The following RPS6KA4 variants were observed in gnomAD, a reference collection of about 807,000 sequenced individuals.
RPS6KA4 encodes ribosomal protein S6 kinase alpha-4.
RPS6KA4 carries 38 observed loss-of-function variants against 89.6 expected under a neutral mutation model. That is an observed-to-expected ratio of 0.42 (90% CI 0.33 to 0.56). The LOEUF is 0.56. RPS6KA4 is among the 20% of genes least tolerant of loss of function. The pLI is 0.07. For synonymous variants in RPS6KA4, 495 were observed against 492.8 expected, an observed-to-expected ratio of 1.00 and a Z score of -0.06; for missense variants, 873 against 1,098.8, an observed-to-expected ratio of 0.79 and a Z score of 2.90.
chr11:64,362,586 G>A (rs957345999), intron 8 of RPS6KA4, among the ~76,000 whole-genome samples: 1 of 152,230 alleles, frequency 6.6e-6, no homozygotes, highest in Non-Finnish European at 1.5e-5. Context: ...CCTGGCCAGC[G>A]TCATCGCCCA....
chr11:64,361,871 C>A lies in RPS6KA4; in HGVS notation c.775C>A (p.Pro259Thr), dbSNP rs751104668. 9 of 1,612,802 alleles carry A rather than the reference C, an allele frequency of 5.6e-6. No homozygotes were observed. In the Admixed American group the frequency reaches 1.5e-4, roughly 27 times the overall value. ...TCCCAGACGGATCCTGAAGTGCTCCCCTCCCTTCCCCCCTCGGATCGGGCC... is the reference window on the plus strand; with the variant it reads ...TCCCAGACGGATCCTGAAGTGCTCCACTCCCTTCCCCCCTCGGATCGGGCC... Reference protein sequence around the residue: ...EVSRRILKCSPPFPPRIGPVA... With the variant: ...EVSRRILKCSTPFPPRIGPVA... Residue 259 changes from proline (P) to threonine (T), a missense_variant, in exon 8 of 17, where the codon CCT becomes ACT. By Grantham distance (38) the Pro-to-Thr change is conservative (BLOSUM62 -1). Coordinates refer to ENST00000334205, the MANE Select transcript of RPS6KA4 (RefSeq NM_003942.3). This position sits in a 1 kb window ranked among gnomAD's most constrained non-coding sequence, Gnocchi z 4.7.
chr11:64,363,632 C>T (rs1441249997), intron 8 of RPS6KA4, among the ~76,000 whole-genome samples: 1 of 152,116 alleles, frequency 6.6e-6, no homozygotes, highest in Non-Finnish European at 1.5e-5. Context: ...GCTGGGATTA[C>T]AGGTGCGCAC....
At chr11:64,367,436 G>T (rs547709760) in intron 9 of RPS6KA4, among the ~76,000 whole-genome samples, 1 of 152,160 alleles carries the variant, frequency 6.6e-6, no homozygotes, top group South Asian at 2.1e-4. Context: ...TCAGCCTCCC[G>T]AGTAGCTGGG....
At position 64,361,211 on chromosome 11, in the gene RPS6KA4, C is replaced by T. The variant is rs769654825; in HGVS notation, c.540C>T (p.Phe180=). ...DSEGHIVLTD[F]GLSKEFLTEE... ...AGGGCCACATTGTCCTCACGGACTT[C>T]GGGCTGAGCAAGGAGTTCCTGACGG... is the stretch of plus-strand genomic sequence containing the variant. The change falls in exon 5 of 17, where the codon TTC becomes TTT. Residue 180 remains phenylalanine, a synonymous_variant. Transcript: ENST00000334205. This position sits in a 1 kb window ranked among gnomAD's most constrained non-coding sequence, Gnocchi z 4.7. The T allele has an allele frequency of 1.9e-5, 30 of 1,613,332 alleles. No individual in the cohort carries two copies. The highest frequency in any genetic ancestry group is 8.0e-5 in the African/African-American group (6 of 74,922).
chr11:64,369,520 C>T lies in RPS6KA4; in HGVS notation c.1503C>T (p.Phe501=), dbSNP rs1484862505. 1 of 1,609,558 alleles carries T rather than the reference C, an allele frequency of 6.2e-7. No homozygotes were observed. The highest frequency in any genetic ancestry group is 1.3e-5 in the African/African-American group (1 of 74,884). Residue 501 remains phenylalanine, a synonymous_variant, in exon 13 of 17, where the codon TTC becomes TTT. Transcript: ENST00000334205. ...AGCACATCCGCAAGAAGCGGCACTT[C>T]AGCGAGTCGGAAGCAAGCCAGATCC... is the stretch of plus-strand genomic sequence containing the variant. ...LLEHIRKKRH[F]SESEASQILR...
chr11:64,361,606 G>C lies in RPS6KA4; in HGVS notation c.652-36G>C, dbSNP rs1184296299. 2.5e-6 allele frequency: 4 copies of C among 1,613,250 alleles called. No individual in the cohort carries two copies. In the African/African-American group the frequency reaches 5.3e-5, roughly 22 times the overall value. ...GTGGAAAGGTGGGGTGTGAGGCAGGGGAGATGCAGGCCCTCACCCCGGCTC... is the reference window on the plus strand; with the variant it reads ...GTGGAAAGGTGGGGTGTGAGGCAGGCGAGATGCAGGCCCTCACCCCGGCTC... On this transcript the variant is annotated intron_variant, in intron 6 of 16. Coordinates refer to ENST00000334205, the MANE Select transcript of RPS6KA4 (RefSeq NM_003942.3). The surrounding 1 kb of genome is among the most constrained non-coding windows in gnomAD (Gnocchi z 4.7).
chr11:64,370,956 T>C lies in RPS6KA4; in HGVS notation c.2121+230T>C, dbSNP rs532133539. On this transcript the variant is annotated intron_variant, in intron 16 of 16. Coordinates refer to ENST00000334205, the MANE Select transcript of RPS6KA4 (RefSeq NM_003942.3). This position sits in a 1 kb window ranked among gnomAD's most constrained non-coding sequence, Gnocchi z 4.1. Reference sequence around the variant, plus strand: ...CCGTCTCTTCTAAAAAGAGAAAAATTAGCCGGGTGTGGTGGCGCGCGCCTG... The same window carrying C: ...CCGTCTCTTCTAAAAAGAGAAAAATCAGCCGGGTGTGGTGGCGCGCGCCTG... Among the ~76,000 whole-genome samples the C allele has an allele frequency of 6.6e-6, 1 of 151,690 alleles. No homozygotes were observed. Among genetic ancestry groups the C allele is most frequent in the African/African-American group, 2.4e-5 (1 of 41,288 alleles).
chr11:64,367,278 T>A (rs1488322697), intron 9 of RPS6KA4, among the ~76,000 whole-genome samples: 8 of 151,894 alleles, frequency 5.3e-5, no homozygotes, highest in Non-Finnish European at 1.5e-5. Context: ...GCCCAATAGC[T>A]AGGACTACAG....
At chr11:64,369,060 G>A (rs2036976041) in intron 12 of RPS6KA4, among the ~76,000 whole-genome samples, 1 of 152,218 alleles carries the variant, frequency 6.6e-6, no homozygotes, top group Admixed American at 6.5e-5. Context: ...GGGAGGTCGA[G>A]GTGGGCGGAT....
rs201471880 is a variant in RPS6KA4 at position 64,368,491 on chromosome 11, C to G, written c.1224C>G (p.Tyr408Ter). Residue 408 changes from tyrosine to a stop codon, truncating the protein, a stop_gained, in exon 11 of 17, where the codon TAC (tyrosine) becomes TAG (stop). Coordinates refer to ENST00000334205, the MANE Select transcript of RPS6KA4 (RefSeq NM_003942.3). LOFTEE classifies it high-confidence loss of function. Reference protein sequence around the residue: ...MMQDSPFFQQYELDLREPALG... With the variant: ...MMQDSPFFQQ ...AGGACTCGCCCTTCTTCCAGCAGTA[C>G]GAGCTGGACCTGCGGGAGCCTGCGC... 1 of 1,556,852 alleles carries G rather than the reference C, an allele frequency of 6.4e-7. No individual in the cohort carries two copies. Among genetic ancestry groups the G allele is most frequent in the Non-Finnish European group, 8.7e-7 (1 of 1,151,250 alleles).
At chr11:64,363,076 G>T (rs2036796347) in intron 8 of RPS6KA4, among the ~76,000 whole-genome samples, 1 of 152,206 alleles carries the variant, frequency 6.6e-6, no homozygotes, top group South Asian at 2.1e-4. Context: ...TCAACCCAAG[G>T]CTGAGAGGCT....
chr11:64,370,760 G>A lies in RPS6KA4; in HGVS notation c.2121+34G>A, dbSNP rs768041837. 1 of 1,493,710 alleles carries A rather than the reference G, an allele frequency of 6.7e-7. No individual in the cohort carries two copies. The highest frequency in any genetic ancestry group is 1.3e-5 in the South Asian group (1 of 78,190). 92.5% of individuals were successfully genotyped at this position (1,493,710 alleles called of 1,614,324 possible). A position where few individuals can be genotyped will look rare whatever the true frequency, so the allele number is the denominator to read the frequency against. ...CAGGGTCTGTTGAAGGGAAGGGGTGGGCGAAGCCTCGAGAGGTGGGGTCTG... is the reference window on the plus strand; with the variant it reads ...CAGGGTCTGTTGAAGGGAAGGGGTGAGCGAAGCCTCGAGAGGTGGGGTCTG... On this transcript the variant is annotated intron_variant, in intron 16 of 16. Transcript: ENST00000334205. This position sits in a 1 kb window ranked among gnomAD's most constrained non-coding sequence, Gnocchi z 4.1.
Position 64,361,581 on chromosome 11 carries a change from G to A in RPS6KA4, c.651+32G>A. Reference sequence around the variant, plus strand: ...TGGCAGGGAAGTGGGGCTGGGGGAGGTGGAAAGGTGGGGTGTGAGGCAGGG... The same window carrying A: ...TGGCAGGGAAGTGGGGCTGGGGGAGATGGAAAGGTGGGGTGTGAGGCAGGG... On this transcript the variant is annotated intron_variant, in intron 6 of 16. Coordinates refer to ENST00000334205, the MANE Select transcript of RPS6KA4 (RefSeq NM_003942.3). The surrounding 1 kb of genome is among the most constrained non-coding windows in gnomAD (Gnocchi z 4.7). 6.2e-7 allele frequency: 1 copy of A among 1,613,624 alleles called. No homozygotes were observed.
At chr11:64,363,302 A>C (rs2036801846) in intron 8 of RPS6KA4, among the ~76,000 whole-genome samples, 1 of 152,120 alleles carries the variant, frequency 6.6e-6, no homozygotes, top group African/African-American at 2.4e-5. Flanking sequence ...TGAGGTGAAG[A>C]TGTCCCTTTG....
In RPS6KA4 at chr11:64,371,534, C is replaced by A; in HGVS notation, c.*54C>A. On this transcript the variant is annotated 3_prime_UTR_variant, in exon 17 of 17. Coordinates refer to ENST00000334205, the MANE Select transcript of RPS6KA4 (RefSeq NM_003942.3). ...TAGGGGCTGTGACCTGGGAGCCCGGCTCACTCCCGGAGGCCTCTGCCTGCG... is the reference window on the plus strand; with the variant it reads ...TAGGGGCTGTGACCTGGGAGCCCGGATCACTCCCGGAGGCCTCTGCCTGCG... 1 of 734,696 alleles carries A rather than the reference C, an allele frequency of 1.4e-6. No individual in the cohort carries two copies. The highest frequency in any genetic ancestry group is 2.2e-6 in the Non-Finnish European group (1 of 446,542). The allele number at this position is 734,696 out of a possible 1,614,324, so 45.5% of individuals were successfully genotyped here.
intron 8 of RPS6KA4, 38 bp downstream of exon 8, chr11:64,362,040 A>T: frequency 6.4e-7 from 1 of 1,571,132 alleles, no homozygotes; most frequent in Non-Finnish European, 8.6e-7. Context: ...CCTGGTGCAT[A>T]CCCAGGTGGG....
chr11:64,370,656 C>G lies in RPS6KA4; in HGVS notation c.2051C>G (p.Pro684Arg), dbSNP rs764701644. The change falls in exon 16 of 17, where the codon CCG (proline) becomes CGG (arginine). Residue 684 changes from proline (P) to arginine (R), a missense_variant. By Grantham distance (103) the Pro-to-Arg change is moderately radical. Around this residue, in one of 4 missense-constraint regions of RPS6KA4, gnomAD observed 278 missense variants for 284.8 expected, o/e 0.98. Transcript: ENST00000334205. The surrounding 1 kb of genome is among the most constrained non-coding windows in gnomAD (Gnocchi z 4.1). ...GACGGCAGCGCGCGCTCCTCGCCCC[C>G]GCTCCGGACGCCCGACGTGCTCGAG... The part of the protein sequence containing the change: ...LQDGSARSSP[P>R]LRTPDVLESS... 94 of 1,570,840 alleles carry G rather than the reference C, an allele frequency of 6.0e-5. No individual in the cohort carries two copies. The highest frequency in any genetic ancestry group is 7.8e-5 in the Non-Finnish European group (91 of 1,165,090).
Position 64,360,531 on chromosome 11 carries a change from A to C in RPS6KA4, c.401A>C (p.Lys134Thr). ...CACCTCTACCAGCGCCAGTACTTCAAGGAGGCTGAGGTGCGCGTGTATGGG... is the reference window on the plus strand; with the variant it reads ...CACCTCTACCAGCGCCAGTACTTCACGGAGGCTGAGGTGCGCGTGTATGGG... Reference protein sequence around the residue: ...FTHLYQRQYFKEAEVRVYGGE... With the variant: ...FTHLYQRQYFTEAEVRVYGGE... Residue 134 changes from lysine (K) to threonine (T), a missense_variant, in exon 4 of 17, where the codon AAG becomes ACG. Physicochemically the swap from Lys to Thr is moderately conservative, Grantham distance 78. Coordinates refer to ENST00000334205, the MANE Select transcript of RPS6KA4 (RefSeq NM_003942.3). The C allele has an allele frequency of 6.2e-7, 1 of 1,612,606 alleles. No individual in the cohort carries two copies.
rs776452803 is a variant in RPS6KA4, at chr11:64,368,661, G to A, written c.1335-43G>A. On this transcript the variant is annotated intron_variant, in intron 11 of 16. Transcript: ENST00000334205. ...GGCAGAGCGCTGTCCCGGGGGCGGGGCCGAAGCGCGGCGACCGTAACTCCT... is the reference window on the plus strand; with the variant it reads ...GGCAGAGCGCTGTCCCGGGGGCGGGACCGAAGCGCGGCGACCGTAACTCCT... The A allele has an allele frequency of 2.7e-5, 42 of 1,572,796 alleles. No individual in the cohort carries two copies. In the Middle Eastern group the frequency reaches 1.1e-3, roughly 40 times the overall value.
Sources: allele counts gnomAD v4.1 joint callset (sites outside exome capture counted in the v4.1 genomes callset), GRCh38; gene constraint gnomAD v4.1.1; regional missense constraint gnomAD v4.1.1; non-coding constraint Gnocchi (gnomAD v3.1); transcripts MANE v1.5; gene names NCBI Gene and HGNC (gene_info 2026-07-23, HGNC 2026-07-21).